NOM1: variants seen among roughly 807,000 people sequenced by gnomAD.
NOM1 encodes nucleolar MIF4G domain-containing protein 1.
A neutral mutation model predicts 73.3 loss-of-function variants in NOM1; 58 were observed. The ratio of observed to expected loss-of-function variants is 0.79; its 90% CI spans 0.64 to 0.99. NOM1 has a LOEUF of 0.99. NOM1 is among the 50% of genes least tolerant of loss of function. The pLI, the probability that NOM1 is intolerant of heterozygous loss-of-function variation, is 0.00. For missense variants in NOM1, 1,226 were observed against 1,131.9 expected (o/e 1.08, Z -1.19); for synonymous variants, 487 against 446.8 (o/e 1.09, Z -1.14).
At chr7:156,968,216 T>G (rs375371920) in intron 9 of NOM1, among the ~76,000 whole-genome samples, 2 of 152,150 alleles carry the variant, frequency 1.3e-5, no homozygotes, top group Non-Finnish European at 2.9e-5. Flanking sequence ...CTGCCTTGCC[T>G]TTCGCTCGCC....
intron 8 of NOM1, 116 bp downstream of exon 8, chr7:156,966,518 G>A (rs914825180): frequency 2.1e-5 from 26 of 1,232,392 alleles, no homozygotes; most frequent in East Asian, 4.7e-5. Context: ...TGATATCCCC[G>A]TCACCTGGTC....
chr7:156,956,061 C>T lies in NOM1; in HGVS notation c.1308+1763C>T, dbSNP rs192803116. On this transcript the variant is annotated intron_variant, in intron 3 of 10. Coordinates refer to ENST00000275820, the MANE Select transcript of NOM1 (RefSeq NM_138400.2). ...AAAAAAAATTAGCCAGGCATGGTGGCGGGCGCCTGAAGTCCCAGCTACTCC... is the reference window on the plus strand; with the variant it reads ...AAAAAAAATTAGCCAGGCATGGTGGTGGGCGCCTGAAGTCCCAGCTACTCC... 7.0e-3 allele frequency among the ~76,000 whole-genome samples: 1,066 copies of T among 152,066 alleles called. 9 individuals carry two copies. Among genetic ancestry groups the T allele is most frequent in the South Asian group, 0.027 (131 of 4,806 alleles).
rs148236353 is a variant in NOM1, at chr7:156,962,632, T to G, written c.1743+371T>G. On this transcript the variant is annotated intron_variant, in intron 5 of 10. Coordinates refer to ENST00000275820, the MANE Select transcript of NOM1 (RefSeq NM_138400.2). Reference sequence around the variant, plus strand: ...GACTCTCTCTGACATGCAGCCAGGATGGAGACTGGGGCAGCCTCCCTGTTG... The same window carrying G: ...GACTCTCTCTGACATGCAGCCAGGAGGGAGACTGGGGCAGCCTCCCTGTTG... 5.7e-3 allele frequency among the ~76,000 whole-genome samples: 868 copies of G among 152,322 alleles called. 10 individuals are homozygous for G. Among genetic ancestry groups the G allele is most frequent in the African/African-American group, 0.019 (805 of 41,578 alleles).
intron 7 of NOM1, chr7:156,966,037 C>G: frequency 1.8e-6 from 1 of 550,156 alleles, no homozygotes; most frequent in Non-Finnish European, 3.2e-6. Context: ...CGGGGGACCC[C>G]CTAGATGGTC....
chr7:156,967,740 G>C (rs1036096707), intron 9 of NOM1, among the ~76,000 whole-genome samples: 1 of 152,132 alleles, frequency 6.6e-6, no homozygotes, highest in Admixed American at 6.5e-5. Flanking sequence ...GGCCAAGCTG[G>C]TCTGGAACCC....
intron 3 of NOM1, among the ~76,000 whole-genome samples, chr7:156,959,537 T>C (rs10253363): frequency 0.52 from 79,775 of 152,110 alleles, 21,202 homozygotes; most frequent in Middle Eastern, 0.66. Context: ...CCACCGCACC[T>C]GGCCAGTAGT....
chr7:156,950,960 C>T (rs1767306187), intron 1 of NOM1, among the ~76,000 whole-genome samples: 2 of 152,152 alleles, frequency 1.3e-5, no homozygotes, highest in South Asian at 2.1e-4. Flanking sequence ...ACTTAAGGGC[C>T]ATTTCCACAG....
intron 7 of NOM1, among the ~76,000 whole-genome samples, chr7:156,965,932 G>A (rs543258682): frequency 6.6e-6 from 1 of 152,124 alleles, no homozygotes; most frequent in South Asian, 2.1e-4. Context: ...GTAAGAAAAT[G>A]TGAAGTCATC....
At position 156,960,157 on chromosome 7, in the gene NOM1, T is replaced by C. The variant is rs1302695549; in HGVS notation, c.1615T>C (p.Phe539Leu). The C allele has an allele frequency of 1.2e-6, 2 of 1,612,998 alleles. No individual in the cohort carries two copies. The highest frequency in any genetic ancestry group is 1.3e-5 in the African/African-American group (1 of 74,704). Residue 539 changes from phenylalanine (F) to leucine (L), a missense_variant, in exon 4 of 11, where the codon TTT becomes CTT. By Grantham distance (22) the Phe-to-Leu change is conservative. Transcript: ENST00000275820. ...CAAAGCCAGCGGGGCAGGCAGCGAGTTTCAGGACCAGACCAGGGTACGCGT... is the reference window on the plus strand; with the variant it reads ...CAAAGCCAGCGGGGCAGGCAGCGAGCTTCAGGACCAGACCAGGGTACGCGT... ...QTKASGAGSE[F>L]QDQTRIRFML...
intron 4 of NOM1, among the ~76,000 whole-genome samples, chr7:156,960,526 A>G (rs1804838332): frequency 1.3e-5 from 2 of 152,118 alleles, no homozygotes; most frequent in Admixed American, 1.3e-4. Context: ...CCTCTGTAAA[A>G]CAGGGACTGA....
At chr7:156,968,093 TG>T (rs1244237363) in intron 9 of NOM1, among the ~76,000 whole-genome samples, 2 of 152,208 alleles carry the variant, frequency 1.3e-5, no homozygotes, top group Admixed American at 1.3e-4. Flanking sequence ...CCTTGCTGTG[TG>T]GTGTCCAAGT....
chr7:156,956,086 C>T (rs927459113), intron 3 of NOM1, among the ~76,000 whole-genome samples: 2 of 151,652 alleles, frequency 1.3e-5, no homozygotes, highest in African/African-American at 4.8e-5. Context: ...CCAGCTACTC[C>T]GGAGACTGAG....
chr7:156,954,160 C>T lies in NOM1; in HGVS notation c.1170C>T (p.Ala390=), dbSNP rs777499785. The T allele has an allele frequency of 6.2e-7, 1 of 1,613,612 alleles. No individual in the cohort carries two copies. The highest frequency in any genetic ancestry group is 1.3e-5 in the African/African-American group (1 of 74,998). ...GGCAGCTGGAGGAACTGTACATGGC[C>T]CACAGCAGAAAGGACATGAATGACA... The part of the protein sequence containing the change: ...ISGQLEELYM[A]HSRKDMNDTL... Residue 390 remains alanine, a synonymous_variant, in exon 3 of 11, where the codon GCC becomes GCT. Coordinates refer to ENST00000275820, the MANE Select transcript of NOM1 (RefSeq NM_138400.2).
At chr7:156,964,146 C>G in intron 7 of NOM1, 120 bp downstream of exon 7, 2 of 1,006,390 alleles carry the variant, frequency 2.0e-6, no homozygotes, top group Non-Finnish European at 2.9e-6. Flanking sequence ...CTGGGCTGTT[C>G]TCATGACCAT....
intron 1 of NOM1, among the ~76,000 whole-genome samples, chr7:156,951,024 T>C (rs1804579447): frequency 6.6e-6 from 1 of 152,228 alleles, no homozygotes; most frequent in African/African-American, 2.4e-5. Flanking sequence ...CTGTTAACCC[T>C]ACCTCATCTG....
rs147048593 is a variant in NOM1 at position 156,954,173 on chromosome 7, G to T, written c.1183G>T (p.Asp395Tyr). 26 of 1,613,666 alleles carry T rather than the reference G, an allele frequency of 1.6e-5. No homozygotes were observed. In the African/African-American group the frequency reaches 3.1e-4, roughly 19 times the overall value. Residue 395 changes from aspartate (D) to tyrosine (Y), a missense_variant, in exon 3 of 11, where the codon GAC (aspartate) becomes TAC (tyrosine). Coordinates refer to ENST00000275820, the MANE Select transcript of NOM1 (RefSeq NM_138400.2). Reference sequence around the variant, plus strand: ...ACTGTACATGGCCCACAGCAGAAAGGACATGAATGACACCCTGACCTCCGC... The same window carrying T: ...ACTGTACATGGCCCACAGCAGAAAGTACATGAATGACACCCTGACCTCCGC... ...EELYMAHSRK[D>Y]MNDTLTSALM...
intron 3 of NOM1, among the ~76,000 whole-genome samples, chr7:156,958,201 C>T (rs1191291583): frequency 2.6e-5 from 4 of 152,202 alleles, no homozygotes; most frequent in African/African-American, 7.2e-5. Context: ...GATCTCCATC[C>T]AGTCCTGTCT....
Position 156,949,767 on chromosome 7 carries a change from C to T in NOM1, c.30C>T (p.Ala10=), listed in dbSNP as rs766734282. Residue 10 remains alanine, a synonymous_variant, in exon 1 of 11, where the codon GCC becomes GCT. Coordinates refer to ENST00000275820, the MANE Select transcript of NOM1 (RefSeq NM_138400.2). ...CGGCGTCCAGGAGCGCGGGAGAGGC[C>T]GGCCCGGGCGGCTCCCAGGGACGCG... MAASRSAGE[A]GPGGSQGRVV... The T allele has an allele frequency of 6.4e-6, 9 of 1,400,562 alleles. No homozygotes were observed. The highest frequency in any genetic ancestry group is 6.6e-5 in the Admixed American group (2 of 30,292). The allele number at this position is 1,400,562 out of a possible 1,614,324, so 86.8% of individuals were successfully genotyped here.
intron 3 of NOM1, 76 bp downstream of exon 3, chr7:156,954,374 G>A (rs925161214): frequency 1.0e-5 from 13 of 1,263,416 alleles, no homozygotes; most frequent in Admixed American, 5.9e-5. Flanking sequence ...TGATAAGTGC[G>A]TAATTGTGTG....
Sources: gnomAD v4.1 joint callset for allele counts (sites outside exome capture counted in the v4.1 genomes callset) on GRCh38, gnomAD v4.1.1 for gene constraint, MANE v1.5 for transcripts, NCBI Gene and HGNC (gene_info 2026-07-23, HGNC 2026-07-21) for gene names.